CHID1: variants seen among roughly 807,000 people sequenced by gnomAD.
The protein encoded by CHID1 is chitinase domain containing 1.
Under a neutral mutation model 55.4 loss-of-function variants are expected in CHID1, and 44 were observed. That is an observed-to-expected ratio of 0.79 (90% CI 0.62 to 1.02). The LOEUF (loss-of-function observed/expected upper bound fraction) is 1.02, where lower values mean the gene tolerates loss of function less well. Ranked by LOEUF, CHID1 falls within the 50% of genes least tolerant of loss-of-function variation. CHID1 has a pLI of 0.00. For synonymous variants in CHID1, 216 were observed against 212.9 expected (o/e 1.01, Z -0.13); for missense variants, 491 against 515.3 (o/e 0.95, Z 0.46).
chr11:900,133 CG>C (rs2134308568), intron 5 of CHID1, 23 bp from the exon 6 acceptor site: 1 of 1,584,646 alleles, frequency 6.3e-7, no homozygotes. Flanking sequence ...CAGACACACA[CG>C]GGGGCCGTGA....
chr11:896,079 C>T, intron 7 of CHID1, among the ~76,000 whole-genome samples: 1 of 151,748 alleles, frequency 6.6e-6, no homozygotes, highest in East Asian at 1.9e-4. Flanking sequence ...CGTCTCAGCA[C>T]CCGCAGCCTC....
In CHID1 at chr11:868,747, A is replaced by C. The variant is rs972381841; in HGVS notation, c.*1111T>G. On this transcript the variant is annotated 3_prime_UTR_variant, in exon 13 of 13. Transcript: ENST00000323578. ...GACCCCCTGCCCACTGCGCCCTAACATTACTGACTCTAAACCAGAACCCAG... is the reference window on the plus strand; with the variant it reads ...GACCCCCTGCCCACTGCGCCCTAACCTTACTGACTCTAAACCAGAACCCAG... 1 of 151,768 alleles carries C rather than the reference A, an allele frequency of 6.6e-6. No homozygotes were observed. Among genetic ancestry groups the C allele is most frequent in the African/African-American group, 2.4e-5 (1 of 41,228 alleles). 9.4% of individuals were successfully genotyped at this position (151,768 alleles called of 1,614,324 possible). A position where few individuals can be genotyped will look rare whatever the true frequency, so the allele number is the denominator to read the frequency against.
In CHID1 at chr11:869,512, CA is replaced by C. The variant is rs1441736820; in HGVS notation, c.*345del. Reference sequence around the variant, plus strand: ...GAGTCCGGGATGGTTCCAGAGCTTCCAAACCCACATCCAGCCCAGGATGTGA... The same window carrying C: ...GAGTCCGGGATGGTTCCAGAGCTTCCAACCCACATCCAGCCCAGGATGTGA... On this transcript the variant is annotated 3_prime_UTR_variant, in exon 13 of 13. Coordinates refer to ENST00000323578, the MANE Select transcript of CHID1 (RefSeq NM_023947.4). 1 of 384,932 alleles carries C rather than the reference CA, an allele frequency of 2.6e-6. No homozygotes were observed. Among genetic ancestry groups the C allele is most frequent in the Non-Finnish European group, 4.8e-6 (1 of 208,716 alleles). The allele number at this position is 384,932 out of a possible 1,614,324, so 23.8% of individuals were successfully genotyped here.
upstream of CHID1, chr11:910,935 A>C: frequency 3.1e-6 from 2 of 644,522 alleles, no homozygotes; most frequent in Non-Finnish European, 3.8e-6. Context: ...GCTGCCCGAA[A>C]GTCGGGGCCG....
At chr11:880,103 C>T (rs902168862) in intron 10 of CHID1, among the ~76,000 whole-genome samples, 7 of 152,348 alleles carry the variant, frequency 4.6e-5, no homozygotes, top group Admixed American at 3.9e-4. Flanking sequence ...AGCTGGCACC[C>T]AGTGACTGAC....
intron 6 of CHID1, among the ~76,000 whole-genome samples, chr11:899,674 T>C (rs1479107825): frequency 6.6e-6 from 1 of 152,176 alleles, no homozygotes; most frequent in Non-Finnish European, 1.5e-5. Context: ...GGGGGCTCCC[T>C]GACCCGAGGC....
In CHID1 at chr11:868,807, C is replaced by G. The variant is rs1361426866; in HGVS notation, c.*1051G>C. On this transcript the variant is annotated 3_prime_UTR_variant, in exon 13 of 13. Coordinates refer to ENST00000323578, the MANE Select transcript of CHID1 (RefSeq NM_023947.4). ...TGTCCTCACCGTCCTCACCCCACGG[C>G]ATTCTGAGTGAGGGACGCCCAGGCC... The G allele has an allele frequency of 5.2e-5, 8 of 152,398 alleles. No homozygotes were observed. Among genetic ancestry groups the G allele is most frequent in the Non-Finnish European group, 1.2e-4 (8 of 68,204 alleles). The allele number at this position is 152,398 out of a possible 1,614,324, so 9.4% of individuals were successfully genotyped here. A position where few individuals can be genotyped will look rare whatever the true frequency, so the allele number is the denominator to read the frequency against.
intron 10 of CHID1, among the ~76,000 whole-genome samples, chr11:873,808 T>C (rs1849328014): frequency 6.6e-6 from 1 of 151,924 alleles, no homozygotes; most frequent in South Asian, 2.1e-4. Flanking sequence ...AAACGCCACT[T>C]TGAAATGGTG....
chr11:914,672 G>A, upstream of CHID1: 2 of 668,268 alleles, frequency 3.0e-6, no homozygotes, highest in South Asian at 3.1e-5. Flanking sequence ...GCAGTGAGCT[G>A]TGATTGCACT....
chr11:869,267 A>C lies in CHID1; in HGVS notation c.*591T>G. 6.5e-6 allele frequency: 1 copy of C among 154,588 alleles called. No individual in the cohort carries two copies. Among genetic ancestry groups the C allele is most frequent in the Admixed American group, 6.4e-5 (1 of 15,588 alleles). The allele number at this position is 154,588 out of a possible 1,614,324, so 9.6% of individuals were successfully genotyped here. ...AGGACCAGTTTCAAGAGGGTGGGCC[A>C]GGCTCCTCTGAGCCCATTTCTAGGG... is the stretch of plus-strand genomic sequence containing the variant. On this transcript the variant is annotated 3_prime_UTR_variant, in exon 13 of 13. Transcript: ENST00000323578.
At chr11:871,111 C>T (rs1461856594) in intron 10 of CHID1, among the ~76,000 whole-genome samples, 2 of 151,740 alleles carry the variant, frequency 1.3e-5, no homozygotes, top group Non-Finnish European at 2.9e-5. Flanking sequence ...CTGCCTCAGC[C>T]TCCTGAGTAG....
At position 869,726 on chromosome 11, in the gene CHID1, G is replaced by A. The variant is rs375977336; in HGVS notation, c.*132C>T. ...ATGGGAGGATGGGGAGTCACATGGT[G>A]CCCAGGACCCCCGACTGAGGACTGC... On this transcript the variant is annotated 3_prime_UTR_variant, in exon 13 of 13. Transcript: ENST00000323578. 6 of 773,972 alleles carry A rather than the reference G, an allele frequency of 7.8e-6. No homozygotes were observed. Among genetic ancestry groups the A allele is most frequent in the African/African-American group, 1.7e-5 (1 of 58,602 alleles). 47.9% of individuals were successfully genotyped at this position (773,972 alleles called of 1,614,324 possible). A position where few individuals can be genotyped will look rare whatever the true frequency, so the allele number is the denominator to read the frequency against.
chr11:889,114 T>C (rs957979480), intron 8 of CHID1, among the ~76,000 whole-genome samples: 2 of 152,174 alleles, frequency 1.3e-5, no homozygotes, highest in Admixed American at 6.5e-5. Flanking sequence ...TCCAGCCACG[T>C]GGACCCCACA....
At chr11:900,397 C>G (rs982061901) in intron 5 of CHID1, among the ~76,000 whole-genome samples, 2 of 152,196 alleles carry the variant, frequency 1.3e-5, no homozygotes, top group African/African-American at 4.8e-5. Flanking sequence ...CCCCACCTTA[C>G]AGGAGGGAGG....
At chr11:888,242 C>A (rs996668647) in intron 8 of CHID1, among the ~76,000 whole-genome samples, 3 of 152,168 alleles carry the variant, frequency 2.0e-5, no homozygotes, top group Non-Finnish European at 2.9e-5. Context: ...CAAAGCAGGC[C>A]CCATTCAGAG....
chr11:894,558 G>A (rs574038438), intron 7 of CHID1, among the ~76,000 whole-genome samples: 38 of 152,210 alleles, frequency 2.5e-4, no homozygotes, highest in Admixed American at 3.9e-4. Context: ...GGCTCTGGCT[G>A]TTACCGCACG....
intron 7 of CHID1, among the ~76,000 whole-genome samples, chr11:897,825 A>ACC (rs1565192820): frequency 6.6e-6 from 1 of 151,906 alleles, no homozygotes; most frequent in African/African-American, 2.4e-5. Flanking sequence ...TCCAGTGGGC[A>ACC]ACCACATTGA....
chr11:883,197 T>C lies in CHID1; in HGVS notation c.910A>G (p.Met304Val), dbSNP rs1295353338. 6.2e-7 allele frequency: 1 copy of C among 1,614,040 alleles called. No individual in the cohort carries two copies. Among genetic ancestry groups the C allele is most frequent in the Non-Finnish European group, 8.5e-7 (1 of 1,179,998 alleles). Residue 304 changes from methionine to valine, a missense_variant, in exon 10 of 13, where the codon ATG (methionine) becomes GTG (valine). By Grantham distance (21) the Met-to-Val change is conservative (BLOSUM62 1). Coordinates refer to ENST00000323578, the MANE Select transcript of CHID1 (RefSeq NM_023947.4). Reference protein sequence around the residue: ...KILLGLNFYGMDYATSKDARE... With the variant: ...KILLGLNFYGVDYATSKDARE... ...GCATCCTTGGAGGTCGCGTAGTCCA[T>C]ACCATAGAAGTTGAGCCCCAGGAGG...
intron 10 of CHID1, among the ~76,000 whole-genome samples, chr11:874,162 A>C (rs182198012): frequency 2.0e-3 from 301 of 152,304 alleles, no homozygotes; most frequent in Admixed American, 6.7e-3. Flanking sequence ...CTAAAACGCA[A>C]GGATTAAAAA....
Sources: gnomAD v4.1 joint callset for allele counts (sites outside exome capture counted in the v4.1 genomes callset) on GRCh38, gnomAD v4.1.1 for gene constraint, MANE v1.5 for transcripts, NCBI Gene and HGNC (gene_info 2026-07-23, HGNC 2026-07-21) for gene names.